The following SLC4A10 variants were observed in gnomAD, a reference collection of about 807,000 sequenced individuals.
SLC4A10 encodes solute carrier family 4 member 10.
In SLC4A10, 42 loss-of-function variants were observed where a neutral mutation model predicts 137.7. The observed-to-expected ratio is 0.30, with a 90% confidence interval of 0.24 to 0.39. SLC4A10 has a LOEUF of 0.39. Among genes scored for constraint, SLC4A10 ranks in the 10% least tolerant of loss-of-function variants. The probability of loss-of-function intolerance (pLI) is 1.00; values close to 1 mark genes in which losing one functional copy is unlikely to be tolerated. For synonymous variants in SLC4A10, 474 were observed against 464.1 expected (o/e 1.02, Z -0.27); for missense variants, 925 against 1,355.0 (o/e 0.68, Z 4.98).
intron 4 of SLC4A10, among the ~76,000 whole-genome samples, chr2:161,848,224 G>C (rs201510828): frequency 6.6e-6 from 1 of 152,026 alleles, no homozygotes; most frequent in Non-Finnish European, 1.5e-5. Flanking sequence ...TTTTTAAATA[G>C]GGTTGTTTGT....
chr2:161,727,700 G>A (rs1251918976), intron 1 of SLC4A10, among the ~76,000 whole-genome samples: 3 of 151,708 alleles, frequency 2.0e-5, no homozygotes, highest in African/African-American at 7.3e-5. Context: ...ATAAAGATGA[G>A]GTAATCTCCA....
At chr2:161,678,433 A>G (rs1162063564) in intron 1 of SLC4A10, among the ~76,000 whole-genome samples, 1 of 152,188 alleles carries the variant, frequency 6.6e-6, no homozygotes, top group Non-Finnish European at 1.5e-5. Context: ...GATTTTATTA[A>G]TGCCAAAGTG....
At chr2:161,842,369 T>C (rs1357133789) in intron 4 of SLC4A10, among the ~76,000 whole-genome samples, 1 of 152,172 alleles carries the variant, frequency 6.6e-6, no homozygotes, top group African/African-American at 2.4e-5. Flanking sequence ...TAAAATGTCT[T>C]TTCCAGTTTT....
intron 3 of SLC4A10, among the ~76,000 whole-genome samples, chr2:161,811,689 T>C (rs1216752335): frequency 6.6e-6 from 1 of 152,064 alleles, no homozygotes; most frequent in Non-Finnish European, 1.5e-5. Flanking sequence ...AGAGGGAAAA[T>C]ATATCATCAG....
intron 8 of SLC4A10, among the ~76,000 whole-genome samples, chr2:161,877,326 A>T (rs975355113): frequency 6.6e-6 from 1 of 152,018 alleles, no homozygotes; most frequent in Non-Finnish European, 1.5e-5. Context: ...CTCATTTTAA[A>T]TTTTGTTCAG....
At chr2:161,920,081 G>T (rs574144850) in intron 15 of SLC4A10, among the ~76,000 whole-genome samples, 30 of 152,328 alleles carry the variant, frequency 2.0e-4, no homozygotes, top group Non-Finnish European at 3.5e-4. Context: ...GTGCACAGTG[G>T]CCAGACCATA....
intron 9 of SLC4A10, among the ~76,000 whole-genome samples, chr2:161,881,230 T>C (rs903822222): frequency 3.3e-5 from 5 of 151,972 alleles, no homozygotes; most frequent in Admixed American, 3.3e-4. Flanking sequence ...TTTAGATCTT[T>C]AAAAATAGCC....
At chr2:161,763,991 A>C (rs923155717) in intron 1 of SLC4A10, among the ~76,000 whole-genome samples, 1 of 152,158 alleles carries the variant, frequency 6.6e-6, no homozygotes, top group African/African-American at 2.4e-5. Context: ...TTGACATGGC[A>C]ATCCCACTTC....
intron 15 of SLC4A10, among the ~76,000 whole-genome samples, chr2:161,912,212 T>C (rs966337359): frequency 6.6e-6 from 1 of 152,166 alleles, no homozygotes; most frequent in Non-Finnish European, 1.5e-5. Flanking sequence ...CTTTCAGATC[T>C]TAAATGGAAT....
intron 3 of SLC4A10, among the ~76,000 whole-genome samples, chr2:161,819,776 G>A (rs2057458137): frequency 6.6e-6 from 1 of 152,152 alleles, no homozygotes; most frequent in Non-Finnish European, 1.5e-5. Context: ...TTACAGGAAT[G>A]AGCCACCGCA....
intron 1 of SLC4A10, among the ~76,000 whole-genome samples, chr2:161,631,463 C>G (rs1351734084): frequency 6.6e-6 from 1 of 151,604 alleles, no homozygotes; most frequent in Non-Finnish European, 1.5e-5. Context: ...CCTCCCCCCA[C>G]AAGAAATTCT....
chr2:161,942,882 G>T lies in SLC4A10; in HGVS notation c.2088G>T (p.Glu696Asp). ...SNISASDIIW[E>D]NLTVSECKSL... ...TTTCTGCCTCTGACATAATTTGGGAGAACCTAACTGTGTCAGTAAGTAAAA... is the reference window on the plus strand; with the variant it reads ...TTTCTGCCTCTGACATAATTTGGGATAACCTAACTGTGTCAGTAAGTAAAA... The change falls in exon 16 of 27, where the codon GAG (glutamate) becomes GAT (aspartate). Residue 696 changes from glutamate to aspartate, a missense_variant. By Grantham distance (45) the Glu-to-Asp change is conservative. This residue lies in a region of SLC4A10 where 91 missense variants were observed against 95.6 expected (regional missense o/e 0.95). Coordinates refer to ENST00000446997, the MANE Select transcript of SLC4A10 (RefSeq NM_001178015.2). 1 of 1,593,864 alleles carries T rather than the reference G, an allele frequency of 6.3e-7. No homozygotes were observed. The highest frequency in any genetic ancestry group is 8.6e-7 in the Non-Finnish European group (1 of 1,169,336).
intron 1 of SLC4A10, among the ~76,000 whole-genome samples, chr2:161,648,192 G>T (rs2036318760): frequency 1.3e-5 from 1 of 79,492 alleles, no homozygotes; most frequent in Non-Finnish European, 2.9e-5. Flanking sequence ...GAATCTTAAT[G>T]TGGTCAACTT....
chr2:161,731,869 A>G (rs2046856164), intron 1 of SLC4A10, among the ~76,000 whole-genome samples: 1 of 152,206 alleles, frequency 6.6e-6, no homozygotes, highest in South Asian at 2.1e-4. Context: ...AATTAGACAC[A>G]TATCAAATCA....
chr2:161,721,897 T>G (rs186813613), intron 1 of SLC4A10, among the ~76,000 whole-genome samples: 1 of 152,362 alleles, frequency 6.6e-6, no homozygotes, highest in African/African-American at 2.4e-5. Context: ...TTCATTCTTC[T>G]TTCTCTAATC....
intron 23 of SLC4A10, among the ~76,000 whole-genome samples, chr2:161,970,585 C>T (rs1698351631): frequency 6.6e-6 from 1 of 152,168 alleles, no homozygotes; most frequent in Non-Finnish European, 1.5e-5. Flanking sequence ...TTTTCCCTCT[C>T]TAACACTCTA....
chr2:161,915,340 G>C (rs1209716068), intron 15 of SLC4A10, among the ~76,000 whole-genome samples: 4 of 152,224 alleles, frequency 2.6e-5, no homozygotes, highest in Non-Finnish European at 5.9e-5. Context: ...TTGTCCATGT[G>C]ACCTCATTCC....
At chr2:161,943,498 C>G (rs1693133663) in intron 16 of SLC4A10, among the ~76,000 whole-genome samples, 1 of 151,970 alleles carries the variant, frequency 6.6e-6, no homozygotes, top group South Asian at 2.1e-4. Context: ...TTTGACTTTT[C>G]TCTACTTTGT....
chr2:161,861,517 T>C (rs140104485), intron 5 of SLC4A10, among the ~76,000 whole-genome samples: 1 of 152,234 alleles, frequency 6.6e-6, no homozygotes, highest in African/African-American at 2.4e-5. Context: ...GCCAATAAAA[T>C]TGTTTTATGT....
Sources: allele counts gnomAD v4.1 joint callset (sites outside exome capture counted in the v4.1 genomes callset), GRCh38; gene constraint gnomAD v4.1.1; regional missense constraint gnomAD v4.1.1; transcripts MANE v1.5; gene names NCBI Gene and HGNC (gene_info 2026-07-23, HGNC 2026-07-21).